UBXN11: variants seen among roughly 807,000 people sequenced by gnomAD.
The protein encoded by UBXN11 is UBX domain protein 11.
In UBXN11, 47 loss-of-function variants were observed where a neutral mutation model predicts 62.8. The ratio of observed to expected loss-of-function variants is 0.75; its 90% CI spans 0.59 to 0.95. The LOEUF (loss-of-function observed/expected upper bound fraction) is 0.95. Ranked by LOEUF, UBXN11 falls within the 40% of genes least tolerant of loss-of-function variation. The probability of loss-of-function intolerance (pLI) is 0.00; values close to 1 mark genes in which losing one functional copy is unlikely to be tolerated. For synonymous variants in UBXN11, 294 were observed against 267.0 expected, an observed-to-expected ratio of 1.10 and a Z score of -0.99; for missense variants, 638 against 661.7, an observed-to-expected ratio of 0.96 and a Z score of 0.39.
chr1:26,299,517 A>AAC (rs1283292086), intron 4 of UBXN11, among the ~76,000 whole-genome samples: 1 of 150,610 alleles, frequency 6.6e-6, no homozygotes, highest in Non-Finnish European at 1.5e-5. Flanking sequence ...TCTCCAAAAA[A>AAC]AAAAAAAACA....
chr1:26,296,845 AGC>A, intron 7 of UBXN11, 72 bp downstream of exon 7: 2 of 1,491,154 alleles, frequency 1.3e-6, no homozygotes, highest in South Asian at 1.2e-5. Flanking sequence ...GCTCGGACCC[AGC>A]TCCTGAGGAA....
At chr1:26,288,567 C>T (rs2073184435) in intron 8 of UBXN11, among the ~76,000 whole-genome samples, 1 of 152,114 alleles carries the variant, frequency 6.6e-6, no homozygotes, top group Non-Finnish European at 1.5e-5. Flanking sequence ...AGGCCTGACC[C>T]GTGGATGGAG....
intron 12 of UBXN11, among the ~76,000 whole-genome samples, chr1:26,283,315 C>T (rs1026528202): frequency 6.6e-6 from 1 of 152,152 alleles, no homozygotes; most frequent in African/African-American, 2.4e-5. Flanking sequence ...ATATTCCAGA[C>T]AGCATCAACA....
rs751205714 is a variant in UBXN11 at position 26,284,187 on chromosome 1, T to C, written c.1032A>G (p.Gln344=). ...GGCCCCGGATGTCAATCACCTCGCC[T>C]TGCCGGATCACAAACTTGGGGAGCC... ...LNRLPKFVIR[Q]GEVIDIRGPI... is the part of the protein sequence containing the mutation. Residue 344 remains glutamine (Q), a synonymous_variant, in exon 12 of 15, where the codon CAA becomes CAG. Transcript: ENST00000374222. 6.2e-7 allele frequency: 1 copy of C among 1,613,272 alleles called. No homozygotes were observed. Among genetic ancestry groups the C allele is most frequent in the Non-Finnish European group, 8.5e-7 (1 of 1,179,554 alleles).
At chr1:26,314,069 C>T (rs896760134) in intron 1 of UBXN11, among the ~76,000 whole-genome samples, 4 of 152,058 alleles carry the variant, frequency 2.6e-5, no homozygotes, top group African/African-American at 7.2e-5. Flanking sequence ...TGTTAGCCAC[C>T]GCGCCCGGCC....
intron 5 of UBXN11, among the ~76,000 whole-genome samples, chr1:26,297,704 C>T (rs866083154): frequency 3.3e-5 from 5 of 152,198 alleles, no homozygotes; most frequent in African/African-American, 7.2e-5. Flanking sequence ...GAGGGTGCCG[C>T]GCTCTGCTCA....
At position 26,282,572 on chromosome 1, in the gene UBXN11, G is replaced by A; in HGVS notation, c.1293-3C>T. ...CAAAGGCAGAGGCATCCATGACCCT[G>A]GGGACCAGGCAGAGCAGATCAGGCT... On this transcript the variant is annotated splice_polypyrimidine_tract_variant and splice_region_variant and intron_variant, in intron 14 of 14. Coordinates refer to ENST00000374222, the MANE Select transcript of UBXN11 (RefSeq NM_001389556.1). 1 of 1,603,090 alleles carries A rather than the reference G, an allele frequency of 6.2e-7. No homozygotes were observed. The highest frequency in any genetic ancestry group is 8.5e-7 in the Non-Finnish European group (1 of 1,172,274).
At chr1:26,298,669 G>A (rs1252410023) in intron 4 of UBXN11, among the ~76,000 whole-genome samples, 1 of 150,898 alleles carries the variant, frequency 6.6e-6, no homozygotes, top group Non-Finnish European at 1.5e-5. Flanking sequence ...GCAGGTGCCT[G>A]TAATCCCAGC....
chr1:26,301,658 A>C, intron 3 of UBXN11, 36 bp downstream of exon 3: 1 of 1,612,016 alleles, frequency 6.2e-7, no homozygotes, highest in Non-Finnish European at 8.5e-7. Context: ...CAAGCACATG[A>C]GAGGCGAAGA....
chr1:26,296,938 C>A lies in UBXN11; in HGVS notation c.413G>T (p.Arg138Leu). 6.2e-7 allele frequency: 1 copy of A among 1,607,158 alleles called. No individual in the cohort carries two copies. The highest frequency in any genetic ancestry group is 1.1e-5 in the South Asian group (1 of 89,566). The change falls in exon 7 of 15, where the codon CGG (arginine) becomes CTG (leucine). Residue 138 changes from arginine to leucine, a missense_variant. Physicochemically the swap from Arg to Leu is moderately radical, Grantham distance 102. Transcript: ENST00000374222. ...TCTCACCTCCATCTCCCTGACCTGCCGCTGCAGCTGCACACACATCGTCTC... is the reference window on the plus strand; with the variant it reads ...TCTCACCTCCATCTCCCTGACCTGCAGCTGCAGCTGCACACACATCGTCTC... ...ELETMCVQLQ[R>L]QVREMERFLS...
chr1:26,285,663 A>T (rs1033196907), intron 9 of UBXN11, 122 bp from the exon 10 acceptor site: 2 of 1,361,346 alleles, frequency 1.5e-6, no homozygotes, highest in Non-Finnish European at 2.0e-6. Flanking sequence ...GGAAACATTC[A>T]GAGTCCCAGG....
At chr1:26,304,361 T>C (rs1265935744) in intron 1 of UBXN11, among the ~76,000 whole-genome samples, 3 of 152,144 alleles carry the variant, frequency 2.0e-5, no homozygotes, top group Non-Finnish European at 4.4e-5. Context: ...CTCCCTTCAT[T>C]AGTTCCCATG....
chr1:26,304,172 C>T (rs1241229059), intron 1 of UBXN11, among the ~76,000 whole-genome samples: 1 of 152,208 alleles, frequency 6.6e-6, no homozygotes, highest in Non-Finnish European at 1.5e-5. Flanking sequence ...CTGGAGGCAG[C>T]CTCCAATGCC....
In UBXN11 at chr1:26,282,362, G is replaced by A. The variant is rs1165687423; in HGVS notation, c.1500C>T (p.Gly500=). 92 of 548,960 alleles carry A rather than the reference G, an allele frequency of 1.7e-4. 8 individuals carry two copies. The highest frequency in any genetic ancestry group is 5.2e-4 in the Middle Eastern group (1 of 1,906). 34.0% of individuals were successfully genotyped at this position (548,960 alleles called of 1,614,324 possible). A position where few individuals can be genotyped will look rare whatever the true frequency, so the allele number is the denominator to read the frequency against. ...GGCCGGGACCGGGACCGGGACTGGG[G>A]CCGGGACCGGGACCGGGACTGGGGC... ...GPGPSPGPGP[G]PSPGPGPGPS... is the part of the protein sequence containing the mutation. Residue 500 remains glycine, a synonymous_variant, in exon 15 of 15, where the codon GGC becomes GGT. Transcript: ENST00000374222.
At chr1:26,285,634 T>C (rs2073112374) in intron 9 of UBXN11, 93 bp from the exon 10 acceptor site, 1 of 1,399,886 alleles carries the variant, frequency 7.1e-7, no homozygotes, top group Non-Finnish European at 9.6e-7. Flanking sequence ...AGATCCAGGG[T>C]CACCCAGTGC....
Position 26,284,123 on chromosome 1 carries a change from G to A in UBXN11, c.1077+19C>T, listed in dbSNP as rs984160179. ...TAAAGTTCCCCCAGGAGGGCTGGGG[G>A]AGTTAGCATTGGCCTCACCTGCAAG... On this transcript the variant is annotated intron_variant, in intron 12 of 14. Transcript: ENST00000374222. The A allele has an allele frequency of 6.3e-6, 10 of 1,582,968 alleles. No homozygotes were observed. The highest frequency in any genetic ancestry group is 7.7e-6 in the Non-Finnish European group (9 of 1,163,742).
rs765332493 is a variant in UBXN11, at chr1:26,285,845, G to A, written c.752C>T (p.Pro251Leu). Residue 251 changes from proline (P) to leucine (L), a missense_variant, in exon 9 of 15, where the codon CCC becomes CTC. Transcript: ENST00000374222. The stretch of plus-strand genomic sequence containing the variant: ...TACCTGTGTGGAGGGATCGTAGAAG[G>A]GCTGGAAGGGCCCGTCGAACATCAT... ...GIMMFDGPFQ[P>L]FYDPSTQRCL... 2.5e-6 allele frequency: 4 copies of A among 1,609,862 alleles called. No individual in the cohort carries two copies. In the South Asian group the frequency reaches 4.4e-5, roughly 18 times the overall value.
At position 26,300,948 on chromosome 1, in the gene UBXN11, T is replaced by C. The variant is rs1392175075; in HGVS notation, c.177A>G (p.Ile59Met). Residue 59 changes from isoleucine (I) to methionine (M), a missense_variant, in exon 4 of 15, where the codon ATA (isoleucine) becomes ATG (methionine). Physicochemically the swap from Ile to Met is conservative, Grantham distance 10 (BLOSUM62 1). Transcript: ENST00000374222. ...CACCTTGCCGACTCACAGGGGCACC[T>C]ATGCCGCCATAGCAGGAAGGGACTG... ...KISVPSCYGG[I>M]GAPVSRQVPA... The C allele has an allele frequency of 1.1e-5, 17 of 1,614,220 alleles. No individual in the cohort carries two copies. The highest frequency in any genetic ancestry group is 1.7e-5 in the Admixed American group (1 of 60,020).
rs1557677874 is a variant in UBXN11 at position 26,282,406 on chromosome 1, A to ACCGGGACCGGGACC, written c.1455_1456insGGTCCCGGTCCCGG (p.Cys486GlyfsTer?). On this transcript the variant is annotated frameshift_variant, in exon 15 of 15. Coordinates refer to ENST00000374222, the MANE Select transcript of UBXN11 (RefSeq NM_001389556.1). LOFTEE classifies it low-confidence loss of function (END_TRUNC). ...CTGGGGCCGGGACCGGGACCGGGACAGGGACCAGGACTGAATTTCAGGCTG... is the reference window on the plus strand; with the variant it reads ...CTGGGGCCGGGACCGGGACCGGGACACCGGGACCGGGACCGGGACCAGGACTGAATTTCAGGCTG... The ACCGGGACCGGGACC allele has an allele frequency of 8.0e-5, 122 of 1,526,946 alleles. 2 individuals are homozygous for ACCGGGACCGGGACC. The Middle Eastern group carries it at 1.8e-3, about 22-fold the overall frequency. 94.6% of individuals were successfully genotyped at this position (1,526,946 alleles called of 1,614,324 possible).
Sources: gnomAD v4.1 joint callset for allele counts (sites outside exome capture counted in the v4.1 genomes callset) on GRCh38, gnomAD v4.1.1 for gene constraint, MANE v1.5 for transcripts, NCBI Gene and HGNC (gene_info 2026-07-23, HGNC 2026-07-21) for gene names.